MAML3: variants seen among roughly 807,000 people sequenced by gnomAD.
The protein encoded by MAML3 is mastermind like transcriptional coactivator 3.
Under a neutral mutation model 101.9 loss-of-function variants are expected in MAML3, and 27 were observed. The ratio of observed to expected loss-of-function variants is 0.27; its 90% CI spans 0.20 to 0.37. The LOEUF is 0.37. Among genes scored for constraint, MAML3 ranks in the 10% least tolerant of loss-of-function variants. MAML3 has a pLI of 1.00. For synonymous variants in MAML3, 501 were observed against 555.9 expected, an observed-to-expected ratio of 0.90 and a Z score of 1.39; for missense variants, 1,316 against 1,444.9, an observed-to-expected ratio of 0.91 and a Z score of 1.45.
At chr4:139,807,222 G>T (rs1020630985) in intron 2 of MAML3, among the ~76,000 whole-genome samples, 1 of 152,022 alleles carries the variant, frequency 6.6e-6, no homozygotes, top group African/African-American at 2.4e-5. Context: ...CAACTGACAA[G>T]ACTTGCCATT....
chr4:139,906,760 A>AT (rs1325773340), intron 1 of MAML3, among the ~76,000 whole-genome samples: 2 of 152,200 alleles, frequency 1.3e-5, no homozygotes, highest in Admixed American at 1.3e-4. Flanking sequence ...TTCCATTATA[A>AT]TGCTACAGTT....
chr4:139,753,177 A>T (rs1426534983), intron 2 of MAML3, among the ~76,000 whole-genome samples: 3 of 152,170 alleles, frequency 2.0e-5, no homozygotes, highest in African/African-American at 7.2e-5. Context: ...ATAACATAAA[A>T]TTTATCATTT....
chr4:139,825,766 A>C (rs1345791675), intron 2 of MAML3, among the ~76,000 whole-genome samples: 2 of 46,398 alleles, frequency 4.3e-5, no homozygotes, highest in East Asian at 6.1e-4. Context: ...GAGAAGAAGG[A>C]AAAAAAAAAA....
intron 2 of MAML3, among the ~76,000 whole-genome samples, chr4:139,836,602 A>G (rs1731258937): frequency 6.6e-6 from 1 of 152,194 alleles, no homozygotes; most frequent in Non-Finnish European, 1.5e-5. Flanking sequence ...AGCCAGCCCC[A>G]GGAGGTTAGC....
chr4:139,891,459 G>T (rs1199991487), intron 1 of MAML3, among the ~76,000 whole-genome samples: 2 of 152,016 alleles, frequency 1.3e-5, no homozygotes, highest in Non-Finnish European at 2.9e-5. Context: ...TGTATTTTTT[G>T]TAGAGATGGG....
In MAML3 at chr4:139,862,432, G is replaced by A. The variant is rs535514618; in HGVS notation, c.2079+26925C>T. Among the ~76,000 whole-genome samples the A allele has an allele frequency of 2.3e-4, 35 of 152,234 alleles. No homozygotes were observed. The South Asian group carries it at 5.8e-3, about 25-fold the overall frequency. Reference sequence around the variant, plus strand: ...AACTGCCTCCCCAACTCCAAACTGCGTTTGACCATCCAGCTCACTGTCTCG... The same window carrying A: ...AACTGCCTCCCCAACTCCAAACTGCATTTGACCATCCAGCTCACTGTCTCG... On this transcript the variant is annotated intron_variant, in intron 2 of 4. Coordinates refer to ENST00000509479, the MANE Select transcript of MAML3 (RefSeq NM_018717.5).
At chr4:140,074,034 A>T (rs559862409) in intron 1 of MAML3, among the ~76,000 whole-genome samples, 18 of 152,080 alleles carry the variant, frequency 1.2e-4, no homozygotes, top group Non-Finnish European at 1.9e-4. Flanking sequence ...CGGGAGGCTG[A>T]GGCAGGACAA....
chr4:139,781,777 T>G (rs1210739130), intron 2 of MAML3, among the ~76,000 whole-genome samples: 1 of 152,114 alleles, frequency 6.6e-6, no homozygotes, highest in African/African-American at 2.4e-5. Flanking sequence ...CATCTATTCA[T>G]GGTGATGCTG....
chr4:139,955,822 C>G (rs1359700876), intron 1 of MAML3, among the ~76,000 whole-genome samples: 4 of 152,150 alleles, frequency 2.6e-5, no homozygotes, highest in Non-Finnish European at 5.9e-5. Flanking sequence ...TGTGAGTTCT[C>G]TGTATTCCCT....
chr4:140,035,707 C>T (rs1203974671), intron 1 of MAML3, among the ~76,000 whole-genome samples: 2 of 151,268 alleles, frequency 1.3e-5, no homozygotes, highest in Admixed American at 6.6e-5. Context: ...CGCTTGAACC[C>T]GGGAGGTGGA....
intron 1 of MAML3, among the ~76,000 whole-genome samples, chr4:139,972,590 A>G (rs1734250330): frequency 6.6e-6 from 1 of 152,248 alleles, no homozygotes; most frequent in Non-Finnish European, 1.5e-5. Flanking sequence ...AGTAATAGCA[A>G]AAGTGTGCTA....
chr4:139,819,264 T>A lies in MAML3; in HGVS notation c.2079+70093A>T, dbSNP rs538812100. ...GAGGGAGCTTAATGGGCTGAGGTTC[T>A]GGCTCCCTGAAGTGTGTGGCTCACT... On this transcript the variant is annotated intron_variant, in intron 2 of 4. Coordinates refer to ENST00000509479, the MANE Select transcript of MAML3 (RefSeq NM_018717.5). Among the ~76,000 whole-genome samples, 100 of 152,280 alleles carry A rather than the reference T, an allele frequency of 6.6e-4. 1 individual carries two copies. Among genetic ancestry groups the A allele is most frequent in the African/African-American group, 2.4e-3 (99 of 41,568 alleles).
intron 1 of MAML3, among the ~76,000 whole-genome samples, chr4:139,955,539 C>G (rs1382327117): frequency 6.6e-6 from 1 of 152,118 alleles, no homozygotes; most frequent in Non-Finnish European, 1.5e-5. Flanking sequence ...TCAAGTGCTA[C>G]TTACATTTGT....
intron 1 of MAML3, among the ~76,000 whole-genome samples, chr4:139,997,636 T>C (rs970343888): frequency 6.6e-6 from 1 of 152,140 alleles, no homozygotes; most frequent in Non-Finnish European, 1.5e-5. Context: ...TATTTGCCAT[T>C]TTCAGTGCTA....
chr4:139,856,650 C>T (rs926422617), intron 2 of MAML3, among the ~76,000 whole-genome samples: 1 of 152,198 alleles, frequency 6.6e-6, no homozygotes, highest in Non-Finnish European at 1.5e-5. Context: ...GCTGAAGCCA[C>T]ACATAAGCCC....
chr4:140,152,208 C>CGCTCCCGCG, intron 1 of MAML3, among the ~76,000 whole-genome samples: 1 of 152,316 alleles, frequency 6.6e-6, no homozygotes, highest in South Asian at 2.1e-4. Flanking sequence ...CTCCCGCGAG[C>CGCTCCCGCG]ACCCCCGCGC....
Position 139,890,310 on chromosome 4 carries a change from C to A in MAML3, c.1126G>T (p.Ala376Ser). The A allele has an allele frequency of 6.2e-7, 1 of 1,613,224 alleles. No individual in the cohort carries two copies. The highest frequency in any genetic ancestry group is 8.5e-7 in the Non-Finnish European group (1 of 1,179,484). The change falls in exon 2 of 5, where the codon GCG becomes TCG. Residue 376 changes from alanine (A) to serine (S), a missense_variant. Coordinates refer to ENST00000509479, the MANE Select transcript of MAML3 (RefSeq NM_018717.5). The surrounding 1 kb of genome is among the most constrained non-coding windows in gnomAD (Gnocchi z 4.1). ...FAHVSMGSPQ[A>S]RPSSSGPPFS... Reference sequence around the variant, plus strand: ...GGAGGACCAGAAGAAGAAGGCCTCGCCTGGGGAGATCCCATGGAGACATGT... The same window carrying A: ...GGAGGACCAGAAGAAGAAGGCCTCGACTGGGGAGATCCCATGGAGACATGT...
chr4:139,868,937 T>C (rs958357481), intron 2 of MAML3, among the ~76,000 whole-genome samples: 1 of 152,232 alleles, frequency 6.6e-6, no homozygotes, highest in Non-Finnish European at 1.5e-5. Flanking sequence ...AGTCTTTTCC[T>C]GTGCATAGGT....
intron 2 of MAML3, among the ~76,000 whole-genome samples, chr4:139,783,142 G>A (rs1422294142): frequency 1.3e-5 from 2 of 152,114 alleles, no homozygotes; most frequent in East Asian, 1.9e-4. Context: ...AAGAAAACAC[G>A]GTTCTTAAAG....
Sources: allele counts gnomAD v4.1 joint callset (sites outside exome capture counted in the v4.1 genomes callset), GRCh38; gene constraint gnomAD v4.1.1; non-coding constraint Gnocchi (gnomAD v3.1); transcripts MANE v1.5; gene names NCBI Gene and HGNC (gene_info 2026-07-23, HGNC 2026-07-21).